Variants in NIPAL2 observed in about 807,000 individuals in gnomAD.
The protein encoded by NIPAL2 is NIPA like domain containing 2.
A neutral mutation model predicts 48.9 loss-of-function variants in NIPAL2; 43 were observed. That is an observed-to-expected ratio of 0.88 (90% CI 0.69 to 1.13). The LOEUF (loss-of-function observed/expected upper bound fraction) is 1.13, where lower values mean the gene tolerates loss of function less well. NIPAL2 is among the 50% of genes most tolerant of loss of function. The pLI, the probability that NIPAL2 is intolerant of heterozygous loss-of-function variation, is 0.00. For synonymous variants in NIPAL2, 167 were observed against 174.6 expected (o/e 0.96, Z 0.34); for missense variants, 446 against 461.4 (o/e 0.97, Z 0.31).
chr8:98,238,033 C>T (rs913433261), intron 3 of NIPAL2, among the ~76,000 whole-genome samples: 1 of 152,148 alleles, frequency 6.6e-6, no homozygotes, highest in Non-Finnish European at 1.5e-5. Flanking sequence ...CTCAGCCTTG[C>T]AGTTGTTCTC....
chr8:98,211,886 C>A (rs948242669), intron 6 of NIPAL2, among the ~76,000 whole-genome samples: 6 of 151,932 alleles, frequency 3.9e-5, no homozygotes, highest in African/African-American at 1.5e-4. Flanking sequence ...CTTATCTAAG[C>A]ACTCATTTTC....
intron 4 of NIPAL2, among the ~76,000 whole-genome samples, chr8:98,230,349 C>A (rs1812382006): frequency 6.6e-6 from 1 of 152,156 alleles, no homozygotes; most frequent in African/African-American, 2.4e-5. Flanking sequence ...TTTAGAAGAG[C>A]ACTCTCAAAC....
At chr8:98,200,934 A>G (rs534846943) in intron 8 of NIPAL2, among the ~76,000 whole-genome samples, 3 of 152,324 alleles carry the variant, frequency 2.0e-5, no homozygotes, top group Non-Finnish European at 2.9e-5. Context: ...AAGAACATCT[A>G]TTCAAGTTCT....
At chr8:98,249,915 A>G (rs1448630043) in intron 3 of NIPAL2, among the ~76,000 whole-genome samples, 1 of 151,928 alleles carries the variant, frequency 6.6e-6, no homozygotes, top group East Asian at 1.9e-4. Context: ...AGCAATCATC[A>G]GTGTAGTAAA....
At chr8:98,217,082 A>G in intron 5 of NIPAL2, 1 of 985,462 alleles carries the variant, frequency 1.0e-6, no homozygotes, top group Non-Finnish European at 1.2e-6. Context: ...CATTTTGGCA[A>G]GGATGGGGAT....
At chr8:98,201,841 T>G (rs1810817542) in intron 8 of NIPAL2, among the ~76,000 whole-genome samples, 1 of 152,202 alleles carries the variant, frequency 6.6e-6, no homozygotes, top group South Asian at 2.1e-4. Flanking sequence ...GAAAATGCAT[T>G]AATTACTTTA....
chr8:98,195,961 C>G lies in NIPAL2; in HGVS notation c.925G>C (p.Val309Leu), dbSNP rs1810523472. The change falls in exon 9 of 11, where the codon GTA becomes CTA. Residue 309 changes from valine (V) to leucine (L), a missense_variant. Physicochemically the swap from Val to Leu is conservative, Grantham distance 32. Transcript: ENST00000430223. ...ACTCACCCAAAAAGATATATAAATA[C>G]AGTGAGAAAAGGAGCACCAAGGAAT... ...QEFLGAPFLT[V>L]FIYLFGCFLS... is the part of the protein sequence containing the mutation. 1 of 1,584,644 alleles carries G rather than the reference C, an allele frequency of 6.3e-7. No homozygotes were observed. The highest frequency in any genetic ancestry group is 8.6e-7 in the Non-Finnish European group (1 of 1,157,232).
At chr8:98,221,538 T>C (rs879278822) in intron 5 of NIPAL2, among the ~76,000 whole-genome samples, 11 of 152,102 alleles carry the variant, frequency 7.2e-5, no homozygotes, top group Non-Finnish European at 1.2e-4. Flanking sequence ...TGTCTACATC[T>C]ATCAAGTTTT....
At chr8:98,218,628 T>C (rs1226872476) in intron 5 of NIPAL2, among the ~76,000 whole-genome samples, 5 of 152,206 alleles carry the variant, frequency 3.3e-5, no homozygotes, top group Admixed American at 6.5e-5. Flanking sequence ...GGCAGGGCAC[T>C]ATGACTGATG....
At chr8:98,272,766 C>T (rs1405224828) in intron 1 of NIPAL2, among the ~76,000 whole-genome samples, 1 of 152,086 alleles carries the variant, frequency 6.6e-6, no homozygotes, top group Non-Finnish European at 1.5e-5. Context: ...AGACGCGTGG[C>T]ACAATGCCTG....
At chr8:98,293,945 A>G in intron 1 of NIPAL2, 58 bp downstream of exon 1, 1 of 1,349,950 alleles carries the variant, frequency 7.4e-7, no homozygotes, top group Non-Finnish European at 9.5e-7. Flanking sequence ...AGGCGCCCGG[A>G]GCCAGCCGCC....
At chr8:98,196,711 T>C (rs1268899382) in intron 8 of NIPAL2, among the ~76,000 whole-genome samples, 2 of 152,288 alleles carry the variant, frequency 1.3e-5, no homozygotes, top group South Asian at 2.1e-4. Flanking sequence ...TTAAGTTATA[T>C]GTTGCCTGGA....
At chr8:98,205,010 G>T (rs1810962076) in intron 7 of NIPAL2, 101 bp downstream of exon 7, 7 of 1,288,654 alleles carry the variant, frequency 5.4e-6, no homozygotes, top group Non-Finnish European at 7.8e-6. Flanking sequence ...TTAGAAATCA[G>T]TTGTATCTCA....
At chr8:98,282,157 G>C (rs1017690034) in intron 1 of NIPAL2, among the ~76,000 whole-genome samples, 1 of 152,314 alleles carries the variant, frequency 6.6e-6, no homozygotes. Context: ...TCACCAGGGT[G>C]AGTGCATTCC....
chr8:98,211,733 A>AAGTGTGTGTGTGTGTGT lies in NIPAL2; in HGVS notation c.655+671_655+672insACACACACACACACACT, dbSNP rs1271888062. On this transcript the variant is annotated intron_variant, in intron 6 of 10. Transcript: ENST00000430223. Reference sequence around the variant, plus strand: ...GAGTGAGAGAGAGAGAGAGAGAGAAAGTGTGTGTGTGTGTGTGTGTGTGTG... The same window carrying AAGTGTGTGTGTGTGTGT: ...GAGTGAGAGAGAGAGAGAGAGAGAAAAGTGTGTGTGTGTGTGTGTGTGTGTGTGTGTGTGTGTGTGTG... Among the ~76,000 whole-genome samples, 294 of 109,126 alleles carry AAGTGTGTGTGTGTGTGT rather than the reference A, an allele frequency of 2.7e-3. 2 individuals are homozygous for AAGTGTGTGTGTGTGTGT. Among genetic ancestry groups the AAGTGTGTGTGTGTGTGT allele is most frequent in the African/African-American group, 9.7e-3 (252 of 25,938 alleles). 71.6% of individuals were successfully genotyped at this position (109,126 alleles called of 152,430 possible).
chr8:98,258,788 TTG>T (rs1260589477), intron 1 of NIPAL2, among the ~76,000 whole-genome samples: 1 of 152,154 alleles, frequency 6.6e-6, no homozygotes, highest in Admixed American at 6.5e-5. Flanking sequence ...CCTTTTTTTT[TTG>T]TCTATAAATT....
At chr8:98,210,468 G>A (rs1811258854) in intron 6 of NIPAL2, among the ~76,000 whole-genome samples, 1 of 152,162 alleles carries the variant, frequency 6.6e-6, no homozygotes, top group Non-Finnish European at 1.5e-5. Flanking sequence ...GATGTGGTCT[G>A]TATTCTTTCA....
intron 1 of NIPAL2, among the ~76,000 whole-genome samples, chr8:98,275,684 T>A (rs1023935219): frequency 2.6e-5 from 4 of 152,216 alleles, no homozygotes; most frequent in African/African-American, 9.6e-5. Flanking sequence ...CAAACTATTT[T>A]TCAGAGTTGT....
At chr8:98,226,951 C>T (rs1271225833) in intron 4 of NIPAL2, among the ~76,000 whole-genome samples, 1 of 152,134 alleles carries the variant, frequency 6.6e-6, no homozygotes. Context: ...TTCTATTCTA[C>T]TGCAGCTAGG....
Sources: allele counts gnomAD v4.1 joint callset (sites outside exome capture counted in the v4.1 genomes callset), GRCh38; gene constraint gnomAD v4.1.1; transcripts MANE v1.5; gene names NCBI Gene and HGNC (gene_info 2026-07-23, HGNC 2026-07-21).